The following PDE11A variants were observed in gnomAD, a reference collection of about 807,000 sequenced individuals.
PDE11A encodes phosphodiesterase 11A.
A neutral mutation model predicts 100.5 loss-of-function variants in PDE11A; 100 were observed. The observed-to-expected ratio is 1.00, with a 90% CI of 0.85 to 1.18. The LOEUF (loss-of-function observed/expected upper bound fraction) is 1.18. Among genes scored for constraint, PDE11A ranks in the 50% most tolerant of loss-of-function variants. The probability of loss-of-function intolerance (pLI) is 0.00; values close to 1 mark genes in which losing one functional copy is unlikely to be tolerated. For missense variants in PDE11A, 1,141 were observed against 1,152.6 expected, an observed-to-expected ratio of 0.99 and a Z score of 0.15; for synonymous variants, 381 against 420.8, an observed-to-expected ratio of 0.91 and a Z score of 1.16.
chr2:177,657,272 A>G (rs2080403631), intron 19 of PDE11A, among the ~76,000 whole-genome samples: 1 of 152,194 alleles, frequency 6.6e-6, no homozygotes, highest in Admixed American at 6.5e-5. Context: ...CAAGGACAAT[A>G]TTTTGAGAAT....
intron 2 of PDE11A, among the ~76,000 whole-genome samples, chr2:177,942,038 G>T (rs78225004): frequency 0.011 from 1,736 of 152,248 alleles, 27 homozygotes; most frequent in East Asian, 0.074. Context: ...TGTAATGAGG[G>T]CCTTCCTTTC....
chr2:178,041,728 A>G (rs2086685390), intron 1 of PDE11A, among the ~76,000 whole-genome samples: 1 of 152,208 alleles, frequency 6.6e-6, no homozygotes, highest in Admixed American at 6.5e-5. Context: ...TTTGGATGAC[A>G]GATGTCATTG....
At chr2:177,839,205 G>C (rs770998065) in intron 6 of PDE11A, among the ~76,000 whole-genome samples, 2 of 152,202 alleles carry the variant, frequency 1.3e-5, no homozygotes, top group Non-Finnish European at 2.9e-5. Context: ...AATGGAGACA[G>C]CACAGGGCAG....
At chr2:177,638,264 G>T (rs1016657604) in intron 19 of PDE11A, among the ~76,000 whole-genome samples, 2 of 151,996 alleles carry the variant, frequency 1.3e-5, no homozygotes, top group African/African-American at 4.8e-5. Flanking sequence ...CTCCCAAAGT[G>T]CTGGGATTAT....
Position 177,998,574 on chromosome 2 carries a change from G to A in PDE11A, c.1071+15728C>T, listed in dbSNP as rs919394549. 1.9e-5 allele frequency: 25 copies of A among 1,296,986 alleles called. No individual in the cohort carries two copies. The African/African-American group carries it at 3.5e-4, about 18-fold the overall frequency. 80.3% of individuals were successfully genotyped at this position (1,296,986 alleles called of 1,614,324 possible). A position where few individuals can be genotyped will look rare whatever the true frequency, so the allele number is the denominator to read the frequency against. ...TTCATCTTCACAGAGGTCTAACTGT[G>A]CATTGATAGCAGAATCAGCCAATTC... On this transcript the variant is annotated intron_variant, in intron 2 of 19. Transcript: ENST00000286063.
chr2:177,880,529 A>C (rs1340913377), intron 4 of PDE11A, among the ~76,000 whole-genome samples: 1 of 152,162 alleles, frequency 6.6e-6, no homozygotes, highest in Non-Finnish European at 1.5e-5. Flanking sequence ...GCTAATGTTA[A>C]TCTGTATGAT....
chr2:177,634,951 C>T (rs575109440), intron 19 of PDE11A, among the ~76,000 whole-genome samples: 1 of 152,230 alleles, frequency 6.6e-6, no homozygotes, highest in African/African-American at 2.4e-5. Context: ...AAACTTAGCA[C>T]CCATCTGATC....
chr2:177,690,713 GAGAGGTGGC>G (rs1490082026), intron 15 of PDE11A, among the ~76,000 whole-genome samples: 1 of 144,300 alleles, frequency 6.9e-6, no homozygotes, highest in African/African-American at 2.6e-5. Context: ...AGATCACAAA[GAGAGGTGGC>G]AAATTTTCAA....
At chr2:178,081,176 C>G (rs1194782316) in intron 2 of PDE11A, among the ~76,000 whole-genome samples, 1 of 152,130 alleles carries the variant, frequency 6.6e-6, no homozygotes, top group Non-Finnish European at 1.5e-5. Flanking sequence ...TACCCTTGTG[C>G]ACTGAAGAAT....
At chr2:177,875,098 C>T (rs1245352788) in intron 5 of PDE11A, among the ~76,000 whole-genome samples, 1 of 151,930 alleles carries the variant, frequency 6.6e-6, no homozygotes, top group East Asian at 2.0e-4. Context: ...GTGGCATGCC[C>T]TGGTAATCCC....
At chr2:177,787,720 T>A (rs56313855) in intron 9 of PDE11A, among the ~76,000 whole-genome samples, 45,099 of 143,466 alleles carry the variant, frequency 0.31, 7,546 homozygotes, top group African/African-American at 0.37. Context: ...GAAAACAAAA[T>A]AGGCAGGGGT....
intron 16 of PDE11A, 164 bp from the exon 17 acceptor site, chr2:177,675,682 C>T (rs2080762661): frequency 1.4e-6 from 1 of 708,644 alleles, no homozygotes; most frequent in Non-Finnish European, 2.6e-6. Flanking sequence ...CTGTGTTCAG[C>T]ATCTCCATCA....
intron 5 of PDE11A, among the ~76,000 whole-genome samples, chr2:177,845,532 T>G (rs1283723124): frequency 6.6e-6 from 1 of 150,428 alleles, no homozygotes; most frequent in Non-Finnish European, 1.5e-5. Flanking sequence ...GCGGAGACGC[T>G]CCTCACTTTC....
chr2:177,867,631 C>A (rs2084053472), intron 5 of PDE11A, among the ~76,000 whole-genome samples: 1 of 152,114 alleles, frequency 6.6e-6, no homozygotes, highest in South Asian at 2.1e-4. Flanking sequence ...CAGGCTGAGG[C>A]AGGAGAATCA....
chr2:177,794,534 T>A (rs1189247598), intron 9 of PDE11A, among the ~76,000 whole-genome samples: 6 of 152,194 alleles, frequency 3.9e-5, no homozygotes, highest in Non-Finnish European at 8.8e-5. Context: ...GTATACTTGC[T>A]AAATTAAGGA....
At position 177,638,590 on chromosome 2, in the gene PDE11A, G is replaced by T. The variant is rs185891756; in HGVS notation, c.2647-9028C>A. ...GACATTGTAAAGTTTATATTGTTGG[G>T]TGATGGATTTTTTTTCCTTTGCTTT... On this transcript the variant is annotated intron_variant, in intron 19 of 19. Coordinates refer to ENST00000286063, the MANE Select transcript of PDE11A (RefSeq NM_016953.4). Among the ~76,000 whole-genome samples, 155 of 151,610 alleles carry T rather than the reference G, an allele frequency of 1.0e-3. 1 individual carries two copies. Among genetic ancestry groups the T allele is most frequent in the Admixed American group, 7.2e-3 (109 of 15,224 alleles).
intron 13 of PDE11A, among the ~76,000 whole-genome samples, chr2:177,703,662 TC>T (rs1260003479): frequency 6.6e-6 from 1 of 152,176 alleles, no homozygotes; most frequent in Non-Finnish European, 1.5e-5. Flanking sequence ...TGTTATCTCT[TC>T]CCTTATTCAT....
intron 1 of PDE11A, among the ~76,000 whole-genome samples, chr2:178,064,019 G>A (rs1359153632): frequency 6.6e-6 from 1 of 152,132 alleles, no homozygotes; most frequent in Non-Finnish European, 1.5e-5. Flanking sequence ...TTATCCATTG[G>A]AAAATGCTTT....
intron 2 of PDE11A, among the ~76,000 whole-genome samples, chr2:177,950,040 G>C (rs2085487868): frequency 2.0e-5 from 3 of 152,186 alleles, no homozygotes; most frequent in Admixed American, 2.0e-4. Flanking sequence ...TGATACTGTA[G>C]ATACGTGATC....
Sources: allele counts gnomAD v4.1 joint callset (sites outside exome capture counted in the v4.1 genomes callset), GRCh38; gene constraint gnomAD v4.1.1; transcripts MANE v1.5; gene names NCBI Gene and HGNC (gene_info 2026-07-23, HGNC 2026-07-21).